Variants in KCNB2 observed in about 807,000 individuals in gnomAD.
KCNB2 encodes the protein delayed rectifier potassium channel protein.
KCNB2 carries 15 observed loss-of-function variants against 61.5 expected under a neutral mutation model. That is an observed-to-expected ratio of 0.24 (90% CI 0.16 to 0.38). KCNB2 has a LOEUF of 0.38. Ranked by LOEUF, KCNB2 falls within the 10% of genes least tolerant of loss-of-function variation. The probability of loss-of-function intolerance (pLI) is 1.00; values close to 1 mark genes in which losing one functional copy is unlikely to be tolerated. For synonymous variants in KCNB2, 457 were observed against 446.0 expected (o/e 1.02, Z -0.31); for missense variants, 828 against 1,125.2 (o/e 0.74, Z 3.78).
At chr8:72,620,633 A>C (rs1805700192) in intron 2 of KCNB2, among the ~76,000 whole-genome samples, 1 of 151,720 alleles carries the variant, frequency 6.6e-6, no homozygotes, top group African/African-American at 2.4e-5. Flanking sequence ...TTTGAGATGG[A>C]GTTTCGCTCT....
At chr8:72,837,677 A>G (rs4452826) in intron 2 of KCNB2, among the ~76,000 whole-genome samples, 129,758 of 152,164 alleles carry the variant, frequency 0.85, 56,301 homozygotes, top group Middle Eastern at 0.97. Context: ...TCAATAAAAT[A>G]TTGTTGAGCC....
intron 2 of KCNB2, among the ~76,000 whole-genome samples, chr8:72,825,701 G>T (rs1170098687): frequency 6.6e-6 from 1 of 152,136 alleles, no homozygotes; most frequent in Non-Finnish European, 1.5e-5. Context: ...CTTCTTTGGA[G>T]AAATGTCTGT....
chr8:72,804,639 C>T (rs1809187887), intron 2 of KCNB2, among the ~76,000 whole-genome samples: 1 of 152,166 alleles, frequency 6.6e-6, no homozygotes, highest in African/African-American at 2.4e-5. Flanking sequence ...CTAATTAAAA[C>T]ATAGCATTTG....
intron 2 of KCNB2, among the ~76,000 whole-genome samples, chr8:72,854,324 A>ACC (rs1810169802): frequency 6.6e-6 from 1 of 152,196 alleles, no homozygotes; most frequent in Non-Finnish European, 1.5e-5. Flanking sequence ...TATCAGTTAT[A>ACC]TATTTTTTAA....
chr8:72,753,805 A>T (rs1193331516), intron 2 of KCNB2, among the ~76,000 whole-genome samples: 2 of 152,218 alleles, frequency 1.3e-5, no homozygotes, highest in East Asian at 3.8e-4. Context: ...AAAAGGGAGG[A>T]TTAGTCACTA....
intron 2 of KCNB2, among the ~76,000 whole-genome samples, chr8:72,655,246 G>A (rs1806272841): frequency 6.6e-6 from 1 of 152,064 alleles, no homozygotes; most frequent in Non-Finnish European, 1.5e-5. Context: ...GATAAACATT[G>A]AGAACATATG....
At chr8:72,712,669 T>C (rs1309410530) in intron 2 of KCNB2, among the ~76,000 whole-genome samples, 1 of 152,082 alleles carries the variant, frequency 6.6e-6, no homozygotes, top group African/African-American at 2.4e-5. Flanking sequence ...TTAAGGTGAG[T>C]ATTGTTGGCT....
rs75432249 is a variant in KCNB2, at chr8:72,703,872, C to T, written c.579+135559C>T. Among the ~76,000 whole-genome samples, 38 of 152,302 alleles carry T rather than the reference C, an allele frequency of 2.5e-4. No individual in the cohort carries two copies. In the East Asian group the frequency reaches 6.9e-3, roughly 28 times the overall value. ...GCACTGGACTGAAGGATATGTCATT[C>T]TTAGAGAGTTAATAATCCTTCCACG... On this transcript the variant is annotated intron_variant, in intron 2 of 2. Coordinates refer to ENST00000523207, the MANE Select transcript of KCNB2 (RefSeq NM_004770.3).
At chr8:72,703,592 T>A (rs1231367891) in intron 2 of KCNB2, among the ~76,000 whole-genome samples, 1 of 152,200 alleles carries the variant, frequency 6.6e-6, no homozygotes, top group Admixed American at 6.5e-5. Flanking sequence ...AGAGAGGGTC[T>A]CAGCTGAGAG....
chr8:72,595,712 A>T (rs1466755377), intron 2 of KCNB2, among the ~76,000 whole-genome samples: 1 of 152,132 alleles, frequency 6.6e-6, no homozygotes, highest in South Asian at 2.1e-4. Flanking sequence ...GGTCCTGGTC[A>T]TGTGTTCCCA....
At chr8:72,551,258 A>G (rs1405932638) in intron 1 of KCNB2, among the ~76,000 whole-genome samples, 1 of 152,054 alleles carries the variant, frequency 6.6e-6, no homozygotes, top group African/African-American at 2.4e-5. Flanking sequence ...AGCAAATCTG[A>G]TTGTGTCACT....
In KCNB2 at chr8:72,537,482, C is replaced by G. The variant is rs1002252333; in HGVS notation, c.-497C>G. 6.6e-6 allele frequency: 1 copy of G among 152,378 alleles called. No homozygotes were observed. The highest frequency in any genetic ancestry group is 1.5e-5 in the Non-Finnish European group (1 of 68,066). 9.4% of individuals were successfully genotyped at this position (152,378 alleles called of 1,614,324 possible). On this transcript the variant is annotated 5_prime_UTR_variant, in exon 1 of 3. Transcript: ENST00000523207. ...GGCTCCTTCCGCGCGGCGAGCTCAG[C>G]CCCGCTCGATTTTTCCTCTTCTGTT... is the stretch of plus-strand genomic sequence containing the variant.
chr8:72,893,083 G>A (rs1309815242), intron 2 of KCNB2, among the ~76,000 whole-genome samples: 1 of 151,292 alleles, frequency 6.6e-6, no homozygotes, highest in South Asian at 2.1e-4. Flanking sequence ...AAAGGAAGGA[G>A]GTTGATGCAA....
intron 2 of KCNB2, among the ~76,000 whole-genome samples, chr8:72,787,244 T>TC (rs754015133): frequency 2.6e-5 from 4 of 151,964 alleles, no homozygotes; most frequent in Non-Finnish European, 5.9e-5. Context: ...TTTTTTTTTT[T>TC]CACTTAGCTA....
intron 2 of KCNB2, among the ~76,000 whole-genome samples, chr8:72,592,794 T>C (rs1303591398): frequency 6.6e-6 from 1 of 152,122 alleles, no homozygotes; most frequent in Non-Finnish European, 1.5e-5. Flanking sequence ...ATCAGAGACT[T>C]TTGTGCACTA....
At chr8:72,540,457 A>G (rs1806172689) in intron 1 of KCNB2, among the ~76,000 whole-genome samples, 1 of 152,176 alleles carries the variant, frequency 6.6e-6, no homozygotes, top group South Asian at 2.1e-4. Flanking sequence ...TGGACAATAC[A>G]AAGGCATTAT....
chr8:72,714,275 G>T (rs1016878308), intron 2 of KCNB2, among the ~76,000 whole-genome samples: 7 of 152,120 alleles, frequency 4.6e-5, no homozygotes, highest in Non-Finnish European at 1.0e-4. Context: ...ATCTAGCAAG[G>T]CAGGCCAACA....
chr8:72,603,007 C>A (rs956951396), intron 2 of KCNB2, among the ~76,000 whole-genome samples: 1 of 151,806 alleles, frequency 6.6e-6, no homozygotes, highest in African/African-American at 2.4e-5. Flanking sequence ...ATGTACACTT[C>A]ATTCATCCCT....
intron 2 of KCNB2, among the ~76,000 whole-genome samples, chr8:72,928,685 C>CAG (rs1806708611): frequency 1.6e-5 from 1 of 61,058 alleles, no homozygotes; most frequent in African/African-American, 5.7e-5. Context: ...CACACAGACA[C>CAG]ACACACACAC....
Sources: allele counts gnomAD v4.1 joint callset (sites outside exome capture counted in the v4.1 genomes callset), GRCh38; gene constraint gnomAD v4.1.1; transcripts MANE v1.5; gene names NCBI Gene and HGNC (gene_info 2026-07-23, HGNC 2026-07-21).